VWA3B: variants seen among roughly 807,000 people sequenced by gnomAD.
The protein encoded by VWA3B is von Willebrand factor A domain containing 3B, also known as von Willebrand factor A domain-containing protein 3B.
In VWA3B, 138 loss-of-function variants were observed where a neutral mutation model predicts 158.3. The observed-to-expected ratio is 0.87, with a 90% confidence interval of 0.76 to 1.00. The LOEUF (loss-of-function observed/expected upper bound fraction) is 1.00. VWA3B is among the 50% of genes least tolerant of loss of function. VWA3B has a pLI of 0.00. For missense variants in VWA3B, 1,555 were observed against 1,565.1 expected (o/e 0.99, Z 0.11); for synonymous variants, 596 against 587.3 (o/e 1.01, Z -0.21).
intron 8 of VWA3B, among the ~76,000 whole-genome samples, chr2:98,167,750 A>G (rs1679211818): frequency 1.3e-5 from 2 of 152,178 alleles, no homozygotes; most frequent in Admixed American, 1.3e-4. Context: ...GGAAAGGGCC[A>G]TTGGAAAGAA....
At chr2:98,244,484 A>G (rs934443153) in intron 19 of VWA3B, among the ~76,000 whole-genome samples, 8 of 152,190 alleles carry the variant, frequency 5.3e-5, no homozygotes, top group Non-Finnish European at 1.2e-4. Flanking sequence ...CACCTCTTAA[A>G]TAGCACAGTT....
In VWA3B at chr2:98,125,635, G is replaced by T. The variant is rs1039056370; in HGVS notation, c.703-2604G>T. Among the ~76,000 whole-genome samples the T allele has an allele frequency of 3.9e-5, 6 of 152,144 alleles. No homozygotes were observed. The highest frequency in any genetic ancestry group is 3.3e-4 in the Admixed American group (5 of 15,278). ...CCAGTTTGATGGCAGACAGGAATAGGTAGCATATTTATCCTCCTTTCTGTT... is the reference window on the plus strand; with the variant it reads ...CCAGTTTGATGGCAGACAGGAATAGTTAGCATATTTATCCTCCTTTCTGTT... On this transcript the variant is annotated intron_variant, in intron 5 of 27. Transcript: ENST00000477737. The surrounding 1 kb of genome is among the most constrained non-coding windows in gnomAD (Gnocchi z 4.1).
At chr2:98,219,911 C>T (rs1396868190) in intron 14 of VWA3B, among the ~76,000 whole-genome samples, 1 of 151,880 alleles carries the variant, frequency 6.6e-6, no homozygotes, top group Non-Finnish European at 1.5e-5. Flanking sequence ...ACCTGTAATC[C>T]TAGCACTTTG....
intron 21 of VWA3B, among the ~76,000 whole-genome samples, chr2:98,258,179 T>G (rs1159950558): frequency 6.6e-6 from 1 of 151,986 alleles, no homozygotes; most frequent in African/African-American, 2.4e-5. Context: ...TGTTTGGGTT[T>G]ATTTCTGGAC....
intron 8 of VWA3B, among the ~76,000 whole-genome samples, chr2:98,179,666 CTTTCT>C (rs903906476): frequency 2.0e-5 from 3 of 151,992 alleles, no homozygotes; most frequent in African/African-American, 4.8e-5. Context: ...TCTTTTTTCT[CTTTCT>C]TTTCTTTCTT....
intron 26 of VWA3B, among the ~76,000 whole-genome samples, chr2:98,310,905 C>A (rs1690846110): frequency 6.6e-6 from 1 of 152,206 alleles, no homozygotes; most frequent in South Asian, 2.1e-4. Context: ...AATCTTGATT[C>A]TTTCACAAGG....
At chr2:98,194,273 A>C in intron 11 of VWA3B, 88 bp from the exon 12 acceptor site, 1 of 1,370,422 alleles carries the variant, frequency 7.3e-7, no homozygotes, top group Non-Finnish European at 1.0e-6. Flanking sequence ...AGAGACCATC[A>C]TGATTAAAAT....
intron 21 of VWA3B, among the ~76,000 whole-genome samples, chr2:98,263,893 G>A (rs996442057): frequency 5.3e-5 from 8 of 151,810 alleles, no homozygotes; most frequent in Non-Finnish European, 1.2e-4. Flanking sequence ...GGAGGTTTTT[G>A]ATTATTGATT....
At chr2:98,259,227 T>C (rs1687336325) in intron 21 of VWA3B, among the ~76,000 whole-genome samples, 1 of 151,808 alleles carries the variant, frequency 6.6e-6, no homozygotes, top group Admixed American at 6.6e-5. Context: ...TGTAGTTTTC[T>C]TTGACATGTT....
At chr2:98,290,068 A>G (rs1187527219) in intron 22 of VWA3B, among the ~76,000 whole-genome samples, 2 of 152,216 alleles carry the variant, frequency 1.3e-5, no homozygotes, top group Non-Finnish European at 2.9e-5. Flanking sequence ...CTGCTTCTAC[A>G]TTGCTATAAA....
chr2:98,271,592 G>C (rs1031364434), intron 22 of VWA3B, among the ~76,000 whole-genome samples: 6 of 151,998 alleles, frequency 3.9e-5, no homozygotes, highest in African/African-American at 1.5e-4. Flanking sequence ...TATGGGTGAT[G>C]GTTACATAAT....
intron 2 of VWA3B, chr2:98,099,414 C>T (rs1416551713): frequency 6.6e-6 from 1 of 152,134 alleles, no homozygotes; most frequent in African/African-American, 2.4e-5. Context: ...ATTCTATTCT[C>T]TTCTGTCCTG....
intron 4 of VWA3B, among the ~76,000 whole-genome samples, chr2:98,120,993 T>C (rs1194967832): frequency 6.6e-6 from 1 of 152,226 alleles, no homozygotes; most frequent in African/African-American, 2.4e-5. Flanking sequence ...CTTGCCTGTT[T>C]ATAAAAAATA....
In VWA3B at chr2:98,181,147, C is replaced by G; in HGVS notation, c.1246C>G (p.Arg416Gly). The change falls in exon 9 of 28, where the codon CGC becomes GGC. Residue 416 changes from arginine to glycine, a missense_variant. Coordinates refer to ENST00000477737, the MANE Select transcript of VWA3B (RefSeq NM_144992.5). ...LYDVLADCSF[R>G]HADGVVDIKA... Reference sequence around the variant, plus strand: ...TGATGTGCTTGCCGACTGCTCTTTCCGCCACGCTGATGGGGTTGTGGATAT... The same window carrying G: ...TGATGTGCTTGCCGACTGCTCTTTCGGCCACGCTGATGGGGTTGTGGATAT... 1 of 1,614,198 alleles carries G rather than the reference C, an allele frequency of 6.2e-7. No individual in the cohort carries two copies. Among genetic ancestry groups the G allele is most frequent in the Non-Finnish European group, 8.5e-7 (1 of 1,180,030 alleles).
At chr2:98,158,639 T>G (rs1678302079) in intron 7 of VWA3B, among the ~76,000 whole-genome samples, 1 of 151,250 alleles carries the variant, frequency 6.6e-6, no homozygotes, top group South Asian at 2.1e-4. Context: ...AGCAAGAGGA[T>G]GGAGTCTAGT....
At chr2:98,164,048 G>A (rs79236972) in intron 8 of VWA3B, among the ~76,000 whole-genome samples, 249 of 152,268 alleles carry the variant, frequency 1.6e-3, no homozygotes, top group African/African-American at 5.8e-3. Context: ...CTCAGTGATC[G>A]GCTCGGCCAG....
chr2:98,096,364 G>T (rs1682709686), intron 2 of VWA3B, among the ~76,000 whole-genome samples: 1 of 152,134 alleles, frequency 6.6e-6, no homozygotes, highest in Admixed American at 6.5e-5. Flanking sequence ...TGCCTCCTGG[G>T]TTCAAGTGAT....
At chr2:98,117,139 C>T (rs1269149724) in intron 3 of VWA3B, among the ~76,000 whole-genome samples, 1 of 152,176 alleles carries the variant, frequency 6.6e-6, no homozygotes, top group Non-Finnish European at 1.5e-5. Flanking sequence ...AGAACCACTG[C>T]TGAGGAGCTA....
In VWA3B at chr2:98,183,189, C is replaced by CTTTTTTTTTTTTT. The variant is rs1244544813; in HGVS notation, c.1311+1986_1311+1998dup. On this transcript the variant is annotated intron_variant, in intron 9 of 27. Coordinates refer to ENST00000477737, the MANE Select transcript of VWA3B (RefSeq NM_144992.5). ...AATTATTAATATATAGTACAGCTCC[C>CTTTTTTTTTTTTT]TTTTTTTTTTTTTTTTTTTTTACAA... is the stretch of plus-strand genomic sequence containing the variant. 1.0e-4 allele frequency among the ~76,000 whole-genome samples: 13 copies of CTTTTTTTTTTTTT among 124,598 alleles called. No individual in the cohort carries two copies. The East Asian group carries it at 1.1e-3, about 11-fold the overall frequency. 81.7% of individuals were successfully genotyped at this position (124,598 alleles called of 152,430 possible).
Sources: gnomAD v4.1 joint callset for allele counts (sites outside exome capture counted in the v4.1 genomes callset) on GRCh38, gnomAD v4.1.1 for gene constraint, Gnocchi (gnomAD v3.1) non-coding constraint, MANE v1.5 for transcripts, NCBI Gene and HGNC (gene_info 2026-07-23, HGNC 2026-07-21) for gene names.